PRH1: variants seen among roughly 807,000 people sequenced by gnomAD.
PRH1 encodes the protein salivary acidic proline-rich phosphoprotein 1/2.
In PRH1, 7 loss-of-function variants were observed where a neutral mutation model predicts 7.9. The observed-to-expected ratio is 0.89, with a 90% confidence interval of 0.50 to 1.67. The LOEUF (loss-of-function observed/expected upper bound fraction) is 1.67, where lower values mean the gene tolerates loss of function less well. PRH1 is among the 40% of genes most tolerant of loss of function. PRH1 has a pLI of 0.00. For synonymous variants in PRH1, 45 were observed against 80.8 expected, an observed-to-expected ratio of 0.56 and a Z score of 2.38; for missense variants, 109 against 223.6, an observed-to-expected ratio of 0.49 and a Z score of 3.27.
upstream of PRH1, among the ~76,000 whole-genome samples, chr12:10,884,674 TCTGA>T (rs926177330): frequency 2.0e-5 from 3 of 152,344 alleles, no homozygotes; most frequent in African/African-American, 7.2e-5. Flanking sequence ...GGTCAATATC[TCTGA>T]CTGTTTTGAT....
intron 2 of PRH1, chr12:10,897,039 A>C (rs1949657120): frequency 6.6e-6 from 1 of 152,152 alleles, no homozygotes; most frequent in South Asian, 2.1e-4. Context: ...CCAAACCCAC[A>C]TGCAGAGGCC....
At chr12:10,887,552 T>G (rs1949510737), upstream of PRH1, among the ~76,000 whole-genome samples, 1 of 151,276 alleles carries the variant, frequency 6.6e-6, no homozygotes, top group South Asian at 2.1e-4. Context: ...GATGGTGTCT[T>G]GCTCTGTCAC....
intron 1 of PRH1, among the ~76,000 whole-genome samples, chr12:10,988,332 C>A (rs1213514859): frequency 6.6e-6 from 1 of 151,488 alleles, no homozygotes; most frequent in Non-Finnish European, 1.5e-5. Context: ...AATTCAGGAG[C>A]CAAAAGAAAA....
chr12:10,976,649 TTAAGA>T (rs1939112689), intron 1 of PRH1, among the ~76,000 whole-genome samples: 1 of 149,538 alleles, frequency 6.7e-6, no homozygotes, highest in South Asian at 2.1e-4. Flanking sequence ...TTTTTTTAAA[TTAAGA>T]TAGATAGAAC....
At chr12:11,115,642 T>G (rs1046309486) in intron 1 of PRH1, among the ~76,000 whole-genome samples, 1 of 152,168 alleles carries the variant, frequency 6.6e-6, no homozygotes, top group Non-Finnish European at 1.5e-5. Flanking sequence ...GACCATATGT[T>G]AGATCACAAA....
chr12:11,078,297 C>T, intron 1 of PRH1: 1 of 288,264 alleles, frequency 3.5e-6, no homozygotes, highest in East Asian at 4.6e-5. Context: ...GGTTCTGATA[C>T]CCTTAATATC....
At chr12:10,938,092 C>T in intron 2 of PRH1, 2 of 566,518 alleles carry the variant, frequency 3.5e-6, no homozygotes, top group Non-Finnish European at 6.2e-6. Flanking sequence ...TGGTAATATA[C>T]ATACTTTCAT....
chr12:11,103,508 G>T (rs1034028958), intron 1 of PRH1, among the ~76,000 whole-genome samples: 1 of 151,222 alleles, frequency 6.6e-6, no homozygotes, highest in East Asian at 2.0e-4. Context: ...TTGGATACAG[G>T]GTGGGGAACA....
chr12:11,086,131 G>A (rs1239472761), intron 1 of PRH1, among the ~76,000 whole-genome samples: 1 of 111,370 alleles, frequency 9.0e-6, no homozygotes, highest in Non-Finnish European at 2.1e-5. Flanking sequence ...CACCCCTCAT[G>A]GTTGAGTAAA....
intron 1 of PRH1, among the ~76,000 whole-genome samples, chr12:11,054,256 C>T (rs949144105): frequency 1.3e-5 from 2 of 152,024 alleles, no homozygotes; most frequent in Admixed American, 1.3e-4. Context: ...AAAATTACCC[C>T]AAAAGTGACC....
At chr12:11,101,085 G>C (rs1945229708) in intron 1 of PRH1, among the ~76,000 whole-genome samples, 1 of 151,980 alleles carries the variant, frequency 6.6e-6, no homozygotes, top group Non-Finnish European at 1.5e-5. Flanking sequence ...TAAGAAAAAA[G>C]GTGTCTATCA....
intron 1 of PRH1, among the ~76,000 whole-genome samples, chr12:11,084,165 C>T (rs1944598694): frequency 8.3e-6 from 1 of 119,862 alleles, no homozygotes; most frequent in Non-Finnish European, 2.0e-5. Flanking sequence ...AAACTCCTTC[C>T]CTCCTTTGTT....
At chr12:11,166,931 C>T (rs1947599906) in intron 1 of PRH1, among the ~76,000 whole-genome samples, 2 of 152,190 alleles carry the variant, frequency 1.3e-5, no homozygotes, top group Admixed American at 1.3e-4. Flanking sequence ...CCTCCTTCAT[C>T]TTCAAAGTCA....
At chr12:11,062,797 G>A (rs2136185621) in intron 1 of PRH1, among the ~76,000 whole-genome samples, 1 of 152,120 alleles carries the variant, frequency 6.6e-6, no homozygotes, top group South Asian at 2.1e-4. Context: ...CACCTATATG[G>A]ACTTTTTTAA....
upstream of PRH1, among the ~76,000 whole-genome samples, chr12:11,049,739 T>C (rs1046292550): frequency 4.6e-5 from 7 of 152,220 alleles, no homozygotes; most frequent in African/African-American, 7.2e-5. Context: ...AGCTTGGTCA[T>C]AACTAGGATA....
downstream of PRH1, among the ~76,000 whole-genome samples, chr12:11,116,192 T>C (rs1247775627): frequency 6.6e-6 from 1 of 151,840 alleles, no homozygotes; most frequent in African/African-American, 2.4e-5. Flanking sequence ...AAATCAGACA[T>C]GAAAGCAGAG....
chr12:11,072,271 G>A (rs1184951613), intron 1 of PRH1, among the ~76,000 whole-genome samples: 2 of 152,110 alleles, frequency 1.3e-5, no homozygotes, highest in Non-Finnish European at 2.9e-5. Context: ...GCAAGCAAGA[G>A]CCATCATACC....
intron 1 of PRH1, among the ~76,000 whole-genome samples, chr12:11,168,268 GAAA>G (rs1565725390): frequency 0.018 from 583 of 33,112 alleles, 124 homozygotes; most frequent in Non-Finnish European, 0.031. Flanking sequence ...AAGAAAGAAA[GAAA>G]GAAAGAAAGA....
chr12:10,908,549 T>C (rs776650571), intron 2 of PRH1: 3 of 1,613,982 alleles, frequency 1.9e-6, no homozygotes, highest in Non-Finnish European at 8.5e-7. Context: ...AAATCCATGA[T>C]ATGAGAACAC....
Sources: gnomAD v4.1 joint callset for allele counts (sites outside exome capture counted in the v4.1 genomes callset) on GRCh38, gnomAD v4.1.1 for gene constraint, MANE v1.5 for transcripts, NCBI Gene and HGNC (gene_info 2026-07-23, HGNC 2026-07-21) for gene names.